Variants in REC114 observed in about 807,000 individuals in gnomAD.
REC114 encodes the protein meiotic recombination protein REC114.
Under a neutral mutation model 31.3 loss-of-function variants are expected in REC114, and 27 were observed. That is an observed-to-expected ratio of 0.86 (90% CI 0.64 to 1.19). The LOEUF is 1.19. Ranked by LOEUF, REC114 falls within the 50% of genes most tolerant of loss-of-function variation. REC114 has a pLI of 0.00. For missense variants in REC114, 344 were observed against 326.9 expected, an observed-to-expected ratio of 1.05 and a Z score of -0.40; for synonymous variants, 134 against 127.7, an observed-to-expected ratio of 1.05 and a Z score of -0.33.
intron 2 of REC114, among the ~76,000 whole-genome samples, chr15:73,495,395 G>A (rs571196427): frequency 1.3e-5 from 2 of 151,656 alleles, no homozygotes; most frequent in South Asian, 4.2e-4. Context: ...TATGTTGAAA[G>A]TTTGCATCAA....
intron 3 of REC114, among the ~76,000 whole-genome samples, chr15:73,542,430 T>C (rs1164781772): frequency 1.3e-5 from 2 of 152,002 alleles, no homozygotes; most frequent in Non-Finnish European, 2.9e-5. Flanking sequence ...GGCATCTCGG[T>C]AATTCTCCTG....
chr15:73,538,232 G>A (rs1260279659), intron 2 of REC114, among the ~76,000 whole-genome samples: 2 of 152,112 alleles, frequency 1.3e-5, no homozygotes, highest in African/African-American at 4.8e-5. Flanking sequence ...AAATTGAGAT[G>A]TGGTATAAGT....
chr15:73,486,152 C>A (rs779960976), intron 2 of REC114, among the ~76,000 whole-genome samples: 1 of 152,100 alleles, frequency 6.6e-6, no homozygotes, highest in East Asian at 1.9e-4. Context: ...GGCTGAAGTG[C>A]GATGGCGCAA....
intron 2 of REC114, among the ~76,000 whole-genome samples, chr15:73,482,282 G>T (rs1221823342): frequency 6.6e-6 from 1 of 152,160 alleles, no homozygotes; most frequent in Non-Finnish European, 1.5e-5. Context: ...GAATGGCTTG[G>T]TGCTGTCCTC....
chr15:73,500,703 T>C (rs148809705), intron 2 of REC114, among the ~76,000 whole-genome samples: 2 of 152,232 alleles, frequency 1.3e-5, no homozygotes, highest in African/African-American at 4.8e-5. Flanking sequence ...TGTTTGTTTT[T>C]TAAAGCCTGT....
intron 4 of REC114, among the ~76,000 whole-genome samples, chr15:73,553,894 G>C (rs1190821476): frequency 1.3e-5 from 2 of 152,188 alleles, no homozygotes; most frequent in East Asian, 1.9e-4. Flanking sequence ...AATGGATCTA[G>C]GTTAGAATCC....
intron 2 of REC114, among the ~76,000 whole-genome samples, chr15:73,520,103 G>T (rs1323057584): frequency 1.3e-5 from 2 of 152,094 alleles, no homozygotes; most frequent in African/African-American, 4.8e-5. Context: ...GTTAAATATG[G>T]TAAAGATAGT....
intron 1 of REC114, among the ~76,000 whole-genome samples, chr15:73,466,170 A>G (rs1893055557): frequency 6.6e-6 from 1 of 152,038 alleles, no homozygotes; most frequent in Non-Finnish European, 1.5e-5. Context: ...TTTTATATCT[A>G]GTTAACTGTT....
chr15:73,522,604 T>A (rs553415457), intron 2 of REC114, among the ~76,000 whole-genome samples: 1 of 152,326 alleles, frequency 6.6e-6, no homozygotes, highest in Non-Finnish European at 1.5e-5. Flanking sequence ...TATTGTTGTT[T>A]GTATCTGTAG....
intron 2 of REC114, among the ~76,000 whole-genome samples, chr15:73,477,620 G>A (rs1486265608): frequency 6.6e-6 from 1 of 152,026 alleles, no homozygotes; most frequent in Non-Finnish European, 1.5e-5. Context: ...ATCTCACTAT[G>A]TTGCCTAGGC....
At chr15:73,496,282 G>A (rs953185854) in intron 2 of REC114, among the ~76,000 whole-genome samples, 35 of 147,476 alleles carry the variant, frequency 2.4e-4, no homozygotes, top group Admixed American at 2.3e-3. Flanking sequence ...AACCCGGGAG[G>A]CAGAGGTTGC....
At chr15:73,482,910 G>A (rs979073377) in intron 2 of REC114, among the ~76,000 whole-genome samples, 1 of 127,798 alleles carries the variant, frequency 7.8e-6, no homozygotes, top group Non-Finnish European at 1.7e-5. Flanking sequence ...TTTTTTTTTT[G>A]AGGAACTGCC....
chr15:73,551,593 C>A (rs1894393920), intron 4 of REC114, among the ~76,000 whole-genome samples: 1 of 152,188 alleles, frequency 6.6e-6, no homozygotes, highest in African/African-American at 2.4e-5. Context: ...ATGTTCCAAT[C>A]ATTCGCAGTA....
At chr15:73,479,736 A>G (rs1893266711) in intron 2 of REC114, among the ~76,000 whole-genome samples, 1 of 152,154 alleles carries the variant, frequency 6.6e-6, no homozygotes, top group African/African-American at 2.4e-5. Flanking sequence ...AGGTTCATCC[A>G]TGTTGTTGAA....
intron 1 of REC114, among the ~76,000 whole-genome samples, chr15:73,454,830 T>G (rs1047259162): frequency 6.6e-6 from 1 of 152,244 alleles, no homozygotes; most frequent in Non-Finnish European, 1.5e-5. Flanking sequence ...AGCTGAATAA[T>G]TCTTAAATTC....
intron 2 of REC114, among the ~76,000 whole-genome samples, chr15:73,493,470 A>G (rs952516055): frequency 2.0e-5 from 3 of 151,288 alleles, no homozygotes; most frequent in Non-Finnish European, 4.4e-5. Context: ...TTCCCCTTTC[A>G]TTTTGTTGCA....
intron 4 of REC114, among the ~76,000 whole-genome samples, chr15:73,555,884 G>C (rs368067543): frequency 2.0e-5 from 3 of 152,140 alleles, no homozygotes; most frequent in Non-Finnish European, 4.4e-5. Flanking sequence ...TATTACTTGA[G>C]CAATAATTTT....
intron 2 of REC114, among the ~76,000 whole-genome samples, chr15:73,522,397 A>G (rs1893948418): frequency 6.6e-6 from 1 of 152,204 alleles, no homozygotes; most frequent in African/African-American, 2.4e-5. Flanking sequence ...CTGGGTAACT[A>G]CCACCACCAC....
chr15:73,506,587 G>T (rs1013040685), intron 2 of REC114, among the ~76,000 whole-genome samples: 10 of 152,194 alleles, frequency 6.6e-5, no homozygotes, highest in Non-Finnish European at 1.2e-4. Context: ...TGCTTGGTTT[G>T]CTGAGGATTA....
Sources: gnomAD v4.1 joint callset for allele counts (sites outside exome capture counted in the v4.1 genomes callset) on GRCh38, gnomAD v4.1.1 for gene constraint, MANE v1.5 for transcripts, NCBI Gene and HGNC (gene_info 2026-07-23, HGNC 2026-07-21) for gene names.